Variants in FAM114A2 observed in about 807,000 individuals in gnomAD.
The protein encoded by FAM114A2 is protein FAM114A2.
A neutral mutation model predicts 58.4 loss-of-function variants in FAM114A2; 53 were observed. The observed-to-expected ratio is 0.91, with a 90% CI of 0.73 to 1.14. The LOEUF (loss-of-function observed/expected upper bound fraction) is 1.14. FAM114A2 is among the 50% of genes most tolerant of loss of function. The probability of loss-of-function intolerance (pLI) is 0.00; values close to 1 mark genes in which losing one functional copy is unlikely to be tolerated. For synonymous variants in FAM114A2, 228 were observed against 211.4 expected, an observed-to-expected ratio of 1.08 and a Z score of -0.68; for missense variants, 601 against 581.1, an observed-to-expected ratio of 1.03 and a Z score of -0.35.
intron 9 of FAM114A2, among the ~76,000 whole-genome samples, chr5:154,004,106 T>C (rs1770190554): frequency 6.6e-6 from 1 of 152,244 alleles, no homozygotes; most frequent in African/African-American, 2.4e-5. Context: ...CACTCTCTGA[T>C]ATTCGCCCAA....
At chr5:154,037,873 A>C (rs1157061164) in intron 1 of FAM114A2, among the ~76,000 whole-genome samples, 1 of 152,140 alleles carries the variant, frequency 6.6e-6, no homozygotes, top group African/African-American at 2.4e-5. Flanking sequence ...CTTTACTAAA[A>C]TATTAAACAC....
intron 8 of FAM114A2, among the ~76,000 whole-genome samples, chr5:154,020,187 G>A (rs567292110): frequency 6.6e-6 from 1 of 152,204 alleles, no homozygotes; most frequent in South Asian, 2.1e-4. Context: ...ATGCCCACAA[G>A]AGAAAGCAGG....
At chr5:154,007,951 G>A (rs1770457746) in intron 9 of FAM114A2, among the ~76,000 whole-genome samples, 1 of 152,160 alleles carries the variant, frequency 6.6e-6, no homozygotes. Flanking sequence ...AGGTCACACA[G>A]AAAGTAATAG....
chr5:154,019,006 G>C (rs1771227012), intron 8 of FAM114A2, among the ~76,000 whole-genome samples: 1 of 152,096 alleles, frequency 6.6e-6, no homozygotes, highest in East Asian at 1.9e-4. Flanking sequence ...AACAAGACAA[G>C]GATGCCCACT....
intron 7 of FAM114A2, among the ~76,000 whole-genome samples, chr5:154,026,811 C>T (rs1258474101): frequency 2.0e-5 from 3 of 150,492 alleles, no homozygotes; most frequent in African/African-American, 7.3e-5. Context: ...CAATTAAAAG[C>T]TAACAGGTAA....
In FAM114A2 at chr5:153,990,495, T is replaced by C. The variant is rs1176488733; in HGVS notation, c.*2481A>G. 2.1e-5 allele frequency: 2 copies of C among 94,304 alleles called. No individual in the cohort carries two copies. The highest frequency in any genetic ancestry group is 1.2e-4 in the Admixed American group (1 of 8,508). 5.8% of individuals were successfully genotyped at this position (94,304 alleles called of 1,614,324 possible). On this transcript the variant is annotated 3_prime_UTR_variant, in exon 14 of 14. Transcript: ENST00000351797. ...AGAGGCCTGCCAACCTGGATATCTA[T>C]GCTTAAAAAAAAAAAAAAAAACTAT...
chr5:154,023,061 T>G (rs1771534450), intron 8 of FAM114A2, among the ~76,000 whole-genome samples: 1 of 152,072 alleles, frequency 6.6e-6, no homozygotes, highest in South Asian at 2.1e-4. Flanking sequence ...CCACTTGTTC[T>G]CACCCATAGG....
chr5:154,006,445 T>G (rs1295312231), intron 9 of FAM114A2, among the ~76,000 whole-genome samples: 1 of 152,068 alleles, frequency 6.6e-6, no homozygotes, highest in Non-Finnish European at 1.5e-5. Flanking sequence ...GAATTGGCCA[T>G]ACAAATAGTT....
At chr5:154,008,279 G>C (rs1187150109) in intron 9 of FAM114A2, among the ~76,000 whole-genome samples, 2 of 152,078 alleles carry the variant, frequency 1.3e-5, no homozygotes, top group South Asian at 2.1e-4. Flanking sequence ...GGGATGGAGA[G>C]ACCTGAGTAT....
At chr5:154,011,369 T>C in intron 8 of FAM114A2, 49 bp from the exon 9 acceptor site, 1 of 1,315,800 alleles carries the variant, frequency 7.6e-7, no homozygotes, top group Admixed American at 1.8e-5. Context: ...CTGCTGAGGA[T>C]CATGAGGTGG....
Position 153,992,804 on chromosome 5 carries a change from C to A in FAM114A2, c.*172G>T. On this transcript the variant is annotated 3_prime_UTR_variant, in exon 14 of 14. Transcript: ENST00000351797. ...ACAACTGGAAAGAATACTGTGAGAACCTGAATACTTCAATCAAACACTGAA... is the reference window on the plus strand; with the variant it reads ...ACAACTGGAAAGAATACTGTGAGAAACTGAATACTTCAATCAAACACTGAA... 1 of 477,828 alleles carries A rather than the reference C, an allele frequency of 2.1e-6. No homozygotes were observed. The highest frequency in any genetic ancestry group is 3.7e-6 in the Non-Finnish European group (1 of 271,520). 29.6% of individuals were successfully genotyped at this position (477,828 alleles called of 1,614,324 possible). A position where few individuals can be genotyped will look rare whatever the true frequency, so the allele number is the denominator to read the frequency against.
chr5:153,999,995 A>G (rs1397175556), intron 11 of FAM114A2, among the ~76,000 whole-genome samples: 1 of 152,196 alleles, frequency 6.6e-6, no homozygotes, highest in Admixed American at 6.5e-5. Flanking sequence ...ATACACACAC[A>G]CATATAATGG....
At chr5:154,001,583 C>T (rs891053291) in intron 11 of FAM114A2, among the ~76,000 whole-genome samples, 7 of 152,286 alleles carry the variant, frequency 4.6e-5, no homozygotes, top group Non-Finnish European at 7.4e-5. Context: ...TAATAATGGG[C>T]ACTCTTATAC....
intron 8 of FAM114A2, among the ~76,000 whole-genome samples, chr5:154,014,513 T>A (rs1319937853): frequency 6.6e-6 from 1 of 152,146 alleles, no homozygotes; most frequent in Admixed American, 6.5e-5. Context: ...AGGGAGATCA[T>A]CTACCCCAGA....
chr5:153,994,861 A>G (rs1050444589), intron 13 of FAM114A2, 58 bp downstream of exon 13: 26 of 1,139,678 alleles, frequency 2.3e-5, no homozygotes, highest in Non-Finnish European at 2.9e-5. Flanking sequence ...AAAAGGCTTC[A>G]GAAGAGTTAA....
At chr5:154,020,898 T>C (rs1383299186) in intron 8 of FAM114A2, among the ~76,000 whole-genome samples, 3 of 152,244 alleles carry the variant, frequency 2.0e-5, no homozygotes, top group Non-Finnish European at 2.9e-5. Flanking sequence ...AAATCCTCAA[T>C]AAAATACTGG....
intron 8 of FAM114A2, among the ~76,000 whole-genome samples, chr5:154,024,118 GA>G (rs1028193992): frequency 1.3e-4 from 20 of 152,084 alleles, no homozygotes; most frequent in African/African-American, 4.6e-4. Context: ...TAAATGAACA[GA>G]AAGAAATAAA....
intron 6 of FAM114A2, 26 bp from the exon 7 acceptor site, chr5:154,027,360 T>C (rs770938668): frequency 5.0e-6 from 8 of 1,591,894 alleles, no homozygotes; most frequent in Non-Finnish European, 6.8e-6. Context: ...GGCATTACAC[T>C]GTAGCAAACA....
Position 154,002,382 on chromosome 5 carries a change from A to G in FAM114A2, c.1125T>C (p.His375=). The change falls in exon 11 of 14, where the codon CAT becomes CAC. Residue 375 remains histidine, a synonymous_variant. Coordinates refer to ENST00000351797, the MANE Select transcript of FAM114A2 (RefSeq NM_018691.4). ...QVNKNSIEDI[H]AFAIRSLAEL... ...CAGCCAGGCTCCGGATTGCAAACGCATGGATATCCTGGATGGAAAAACAAA... is the reference window on the plus strand; with the variant it reads ...CAGCCAGGCTCCGGATTGCAAACGCGTGGATATCCTGGATGGAAAAACAAA... 2.5e-6 allele frequency: 4 copies of G among 1,613,820 alleles called. No individual in the cohort carries two copies. Among genetic ancestry groups the G allele is most frequent in the Non-Finnish European group, 3.4e-6 (4 of 1,179,708 alleles).
Sources: gnomAD v4.1 joint callset for allele counts (sites outside exome capture counted in the v4.1 genomes callset) on GRCh38, gnomAD v4.1.1 for gene constraint, MANE v1.5 for transcripts, NCBI Gene and HGNC (gene_info 2026-07-23, HGNC 2026-07-21) for gene names.